Variants in CELF6 observed in about 807,000 individuals in gnomAD.
The protein encoded by CELF6 is CUGBP Elav-like family member 6.
A neutral mutation model predicts 53.1 loss-of-function variants in CELF6; 32 were observed. The ratio of observed to expected loss-of-function variants is 0.60; its 90% CI spans 0.46 to 0.81. The LOEUF is 0.81. CELF6 is among the 30% of genes least tolerant of loss of function. The pLI, the probability that CELF6 is intolerant of heterozygous loss-of-function variation, is 0.00. For missense variants in CELF6, 539 were observed against 669.5 expected, an observed-to-expected ratio of 0.81 and a Z score of 2.15; for synonymous variants, 291 against 288.8, an observed-to-expected ratio of 1.01 and a Z score of -0.08.
At chr15:72,302,440 C>T (rs2088171864) in intron 3 of CELF6, among the ~76,000 whole-genome samples, 1 of 152,184 alleles carries the variant, frequency 6.6e-6, no homozygotes. Flanking sequence ...TTTTCCTGCT[C>T]TTTTAAACAG....
chr15:72,288,171 ACTGGTTTGTGACC>A lies in CELF6; in HGVS notation c.1318+124_1318+136del. On this transcript the variant is annotated intron_variant, in intron 11 of 12. Transcript: ENST00000287202. This position sits in a 1 kb window ranked among gnomAD's most constrained non-coding sequence, Gnocchi z 4.6. The stretch of plus-strand genomic sequence containing the variant: ...TTGTTGGCCTAAACTTAGGCCCATC[ACTGGTTTGTGACC>A]CTGTTTTGTGCCATACATTCAATCT... 1 of 975,550 alleles carries A rather than the reference ACTGGTTTGTGACC, an allele frequency of 1.0e-6. No homozygotes were observed. Among genetic ancestry groups the A allele is most frequent in the South Asian group, 1.4e-5 (1 of 69,286 alleles). The allele number at this position is 975,550 out of a possible 1,614,324, so 60.4% of individuals were successfully genotyped here.
intron 2 of CELF6, among the ~76,000 whole-genome samples, chr15:72,313,983 C>T (rs1051036241): frequency 6.6e-6 from 1 of 152,202 alleles, no homozygotes; most frequent in African/African-American, 2.4e-5. Context: ...TTAGGCTTAG[C>T]AGTAAAGACT....
chr15:72,301,822 C>T (rs1171608518), intron 3 of CELF6, among the ~76,000 whole-genome samples: 4 of 151,200 alleles, frequency 2.6e-5, no homozygotes, highest in Middle Eastern at 3.2e-3. Flanking sequence ...CTGCAAGCTC[C>T]GCCTGCTGGG....
intron 3 of CELF6, among the ~76,000 whole-genome samples, chr15:72,299,682 C>G (rs189453112): frequency 1.0e-3 from 152 of 152,218 alleles, no homozygotes; most frequent in African/African-American, 3.5e-3. Flanking sequence ...GTTTTTGACA[C>G]TATGTGTATT....
chr15:72,304,616 A>C (rs2141199218), intron 3 of CELF6, 130 bp downstream of exon 3: 1 of 771,628 alleles, frequency 1.3e-6, no homozygotes, highest in East Asian at 2.6e-5. Context: ...GGGGCTCAGC[A>C]ACTCTGAGCC....
At chr15:72,286,602 G>A (rs528257338) in intron 12 of CELF6, among the ~76,000 whole-genome samples, 1 of 152,320 alleles carries the variant, frequency 6.6e-6, no homozygotes, top group South Asian at 2.1e-4. Context: ...GTGAGGCAGG[G>A]CCATGTGGGC....
At position 72,289,335 on chromosome 15, in the gene CELF6, C is replaced by T; in HGVS notation, c.880+40G>A. On this transcript the variant is annotated intron_variant, in intron 7 of 12. Transcript: ENST00000287202. This position sits in a 1 kb window ranked among gnomAD's most constrained non-coding sequence, Gnocchi z 7.6. ...AGTCAGGCCGCCACCCCGCCCCGCCCGGCCCCTCCCAGGCGCGCCCCAGTC... is the reference window on the plus strand; with the variant it reads ...AGTCAGGCCGCCACCCCGCCCCGCCTGGCCCCTCCCAGGCGCGCCCCAGTC... 1.3e-6 allele frequency: 2 copies of T among 1,538,212 alleles called. No individual in the cohort carries two copies. Among genetic ancestry groups the T allele is most frequent in the Non-Finnish European group, 1.7e-6 (2 of 1,149,436 alleles).
chr15:72,290,170 G>A lies in CELF6; in HGVS notation c.480C>T (p.Ile160=). ...VRRLFQPFGH[I]EECTVLRSPD... is the part of the protein sequence containing the mutation. ...GACTCCGCAGGACCGTGCACTCCTC[G>A]ATGTGGCCAAAGGGCTGGAACAGGC... The change falls in exon 4 of 13, where the codon ATC becomes ATT. Residue 160 remains isoleucine, a synonymous_variant. Transcript: ENST00000287202. The A allele has an allele frequency of 6.2e-7, 1 of 1,614,016 alleles. No individual in the cohort carries two copies. Among genetic ancestry groups the A allele is most frequent in the Non-Finnish European group, 8.5e-7 (1 of 1,180,004 alleles).
At chr15:72,316,594 T>TTATTGTGC (rs2088366791) in intron 1 of CELF6, among the ~76,000 whole-genome samples, 1 of 151,940 alleles carries the variant, frequency 6.6e-6, no homozygotes, top group Admixed American at 6.6e-5. Flanking sequence ...TCTTAAAGAG[T>TTATTGTGC]TATTGTGCCT....
intron 12 of CELF6, among the ~76,000 whole-genome samples, 183 bp downstream of exon 12, chr15:72,287,054 A>G (rs1314806072): frequency 6.6e-6 from 1 of 152,120 alleles, no homozygotes; most frequent in African/African-American, 2.4e-5. Context: ...TGTCCAATTG[A>G]TCTCCTTGGA....
intron 3 of CELF6, 32 bp downstream of exon 3, chr15:72,304,714 G>A (rs762051728): frequency 1.4e-5 from 22 of 1,608,656 alleles, no homozygotes; most frequent in Non-Finnish European, 1.8e-5. Flanking sequence ...TACACGGGTT[G>A]CAGCCTGAGG....
intron 3 of CELF6, among the ~76,000 whole-genome samples, chr15:72,296,590 C>A (rs2912234): frequency 0.99 from 150,100 of 152,302 alleles, 74,001 homozygotes; most frequent in Middle Eastern, 1. Flanking sequence ...AACAACAATA[C>A]CAACAACAGA....
rs1032303957 is a variant in CELF6, at chr15:72,319,055, G to C, written c.262+558C>G. ...TGGATTTTGTGTTAGACAGGTCTGGGTTCTGAAGAAGGGGAGGGTTTGGGT... is the reference window on the plus strand; with the variant it reads ...TGGATTTTGTGTTAGACAGGTCTGGCTTCTGAAGAAGGGGAGGGTTTGGGT... On this transcript the variant is annotated intron_variant, in intron 1 of 12. Transcript: ENST00000287202. This position sits in a 1 kb window ranked among gnomAD's most constrained non-coding sequence, Gnocchi z 5.0. Among the ~76,000 whole-genome samples the C allele has an allele frequency of 5.3e-5, 8 of 152,266 alleles. No individual in the cohort carries two copies. Among genetic ancestry groups the C allele is most frequent in the African/African-American group, 1.4e-4 (6 of 41,540 alleles).
At chr15:72,306,688 G>A (rs956068711) in intron 2 of CELF6, among the ~76,000 whole-genome samples, 4 of 151,888 alleles carry the variant, frequency 2.6e-5, no homozygotes, top group African/African-American at 7.2e-5. Context: ...GGGTGGGGGC[G>A]GAGACACCAA....
chr15:72,291,390 C>T (rs1451316042), intron 3 of CELF6, among the ~76,000 whole-genome samples: 1 of 152,140 alleles, frequency 6.6e-6, no homozygotes, highest in Non-Finnish European at 1.5e-5. Flanking sequence ...GGGGCTTGAC[C>T]ATGTAGGGGA....
At chr15:72,300,754 A>G (rs1208367571) in intron 3 of CELF6, among the ~76,000 whole-genome samples, 1 of 151,988 alleles carries the variant, frequency 6.6e-6, no homozygotes, top group Non-Finnish European at 1.5e-5. Context: ...GAATTGCTTG[A>G]ACCCAGGAGG....
At chr15:72,308,987 C>T (rs1418825891) in intron 2 of CELF6, among the ~76,000 whole-genome samples, 1 of 152,152 alleles carries the variant, frequency 6.6e-6, no homozygotes, top group Non-Finnish European at 1.5e-5. Flanking sequence ...CATCATAGCT[C>T]ACTGCAAACT....
chr15:72,307,422 C>A (rs115000115), intron 2 of CELF6, among the ~76,000 whole-genome samples: 1 of 152,206 alleles, frequency 6.6e-6, no homozygotes, highest in African/African-American at 2.4e-5. Context: ...TATGGGGATC[C>A]TCTCTTCATA....
intron 1 of CELF6, among the ~76,000 whole-genome samples, chr15:72,318,967 A>G (rs1292502110): frequency 1.3e-5 from 2 of 152,068 alleles, no homozygotes; most frequent in Admixed American, 6.6e-5. Context: ...AGGGCAGGAG[A>G]GATTGGGGCT....
Sources: gnomAD v4.1 joint callset for allele counts (sites outside exome capture counted in the v4.1 genomes callset) on GRCh38, gnomAD v4.1.1 for gene constraint, Gnocchi (gnomAD v3.1) non-coding constraint, MANE v1.5 for transcripts, NCBI Gene and HGNC (gene_info 2026-07-23, HGNC 2026-07-21) for gene names.